The following PCDHGA11 variants were observed in gnomAD, a reference collection of about 807,000 sequenced individuals.
The protein encoded by PCDHGA11 is protocadherin gamma subfamily A, 11.
PCDHGA11 carries 39 observed loss-of-function variants against 60.4 expected under a neutral mutation model. The ratio of observed to expected loss-of-function variants is 0.65; its 90% CI spans 0.50 to 0.84. PCDHGA11 has a LOEUF of 0.84. Ranked by LOEUF, PCDHGA11 falls within the 40% of genes least tolerant of loss-of-function variation. The pLI is 0.00. For missense variants in PCDHGA11, 1,165 were observed against 1,197.7 expected, an observed-to-expected ratio of 0.97 and a Z score of 0.40; for synonymous variants, 533 against 510.3, an observed-to-expected ratio of 1.04 and a Z score of -0.60.
chr5:141,436,337 A>G (rs1450981655), intron 1 of PCDHGA11, among the ~76,000 whole-genome samples: 1 of 152,178 alleles, frequency 6.6e-6, no homozygotes, highest in Non-Finnish European at 1.5e-5. Flanking sequence ...CATATCTCAA[A>G]TATCAGTGAC....
At chr5:141,445,767 T>C (rs2098476828) in intron 1 of PCDHGA11, among the ~76,000 whole-genome samples, 1 of 152,142 alleles carries the variant, frequency 6.6e-6, no homozygotes, top group African/African-American at 2.4e-5. Flanking sequence ...ACTCAAGCAA[T>C]TTAAAAGGGC....
rs2099396190 is a variant in PCDHGA11 at position 141,476,685 on chromosome 5, G to A, written c.2434-18122G>A. On this transcript the variant is annotated intron_variant, in intron 1 of 3. Coordinates refer to ENST00000398587, the MANE Select transcript of PCDHGA11 (RefSeq NM_018914.3). This position sits in a 1 kb window ranked among gnomAD's most constrained non-coding sequence, Gnocchi z 7.6. ...CTTCGCGTGCAGACGCGGGAGGACA[G>A]CACCAAGTACGCGGAGCTGGTGTTG... 3.1e-6 allele frequency: 5 copies of A among 1,614,102 alleles called. No homozygotes were observed.
chr5:141,494,613 G>A (rs2099755672), intron 1 of PCDHGA11, among the ~76,000 whole-genome samples, 194 bp from the exon 2 acceptor site: 1 of 152,136 alleles, frequency 6.6e-6, no homozygotes, highest in Non-Finnish European at 1.5e-5. Context: ...TTATCTCTTG[G>A]TTTCTGGTAC....
At position 141,509,907 on chromosome 5, in the gene PCDHGA11, C is replaced by G. The variant is rs149338646; in HGVS notation, c.2582-1040C>G. Among the ~76,000 whole-genome samples, 567 of 152,300 alleles carry G rather than the reference C, an allele frequency of 3.7e-3. 5 individuals carry two copies. Among genetic ancestry groups the G allele is most frequent in the Admixed American group, 0.011 (163 of 15,296 alleles). ...GTGACTGACTGTCCCTTCCAGCATGCGCTTAGGTACACTTGGGCCTGAATG... is the reference window on the plus strand; with the variant it reads ...GTGACTGACTGTCCCTTCCAGCATGGGCTTAGGTACACTTGGGCCTGAATG... On this transcript the variant is annotated intron_variant, in intron 3 of 3. Coordinates refer to ENST00000398587, the MANE Select transcript of PCDHGA11 (RefSeq NM_018914.3).
intron 1 of PCDHGA11, among the ~76,000 whole-genome samples, chr5:141,460,070 T>C (rs547558436): frequency 2.0e-5 from 3 of 152,202 alleles, no homozygotes; most frequent in South Asian, 2.1e-4. Flanking sequence ...AGAGTGAGAC[T>C]TCATCTAAAA....
At chr5:141,434,392 C>T (rs906051301) in intron 1 of PCDHGA11, among the ~76,000 whole-genome samples, 4 of 152,210 alleles carry the variant, frequency 2.6e-5, no homozygotes, top group African/African-American at 9.6e-5. Context: ...TGGCCATAAA[C>T]AAAATCTCTG....
chr5:141,506,216 T>A (rs2237080), intron 3 of PCDHGA11, among the ~76,000 whole-genome samples: 78,167 of 151,604 alleles, frequency 0.52, 20,820 homozygotes, highest in African/African-American at 0.63. Flanking sequence ...TTTGGGAAGC[T>A]GAGGCAGGAG....
chr5:141,509,595 C>T (rs968797923), intron 3 of PCDHGA11, among the ~76,000 whole-genome samples: 36 of 152,168 alleles, frequency 2.4e-4, no homozygotes, highest in African/African-American at 6.8e-4. Context: ...CTGGCAATTC[C>T]GAGAGGCTGC....
intron 1 of PCDHGA11, among the ~76,000 whole-genome samples, chr5:141,468,857 C>A (rs1386167428): frequency 2.0e-5 from 3 of 151,962 alleles, no homozygotes; most frequent in Non-Finnish European, 4.4e-5. Context: ...CAGAGCGAGA[C>A]TCCATCTCAA....
intron 1 of PCDHGA11, among the ~76,000 whole-genome samples, chr5:141,445,320 A>G (rs1462989860): frequency 1.3e-5 from 2 of 152,188 alleles, no homozygotes; most frequent in Non-Finnish European, 2.9e-5. Flanking sequence ...GGTTGAGAGA[A>G]CCCATCCAGA....
chr5:141,492,458 G>A (rs1333043781), intron 1 of PCDHGA11, among the ~76,000 whole-genome samples: 1 of 152,230 alleles, frequency 6.6e-6, no homozygotes, highest in Non-Finnish European at 1.5e-5. Flanking sequence ...GTGCGCGCCT[G>A]AGGGTCCCAG....
chr5:141,422,197 G>C lies in PCDHGA11; in HGVS notation c.970G>C (p.Asp324His). ...RFYEMEIQGQ[D>H]GGGLFTTTTM... ...CTATGAGATGGAAATTCAAGGCCAAGATGGTGGAGGTCTCTTTACCACCAC... is the reference window on the plus strand; with the variant it reads ...CTATGAGATGGAAATTCAAGGCCAACATGGTGGAGGTCTCTTTACCACCAC... The change falls in exon 1 of 4, where the codon GAT (aspartate) becomes CAT (histidine). Residue 324 changes from aspartate to histidine, a missense_variant. Coordinates refer to ENST00000398587, the MANE Select transcript of PCDHGA11 (RefSeq NM_018914.3). 1 of 1,562,284 alleles carries C rather than the reference G, an allele frequency of 6.4e-7. No homozygotes were observed. The highest frequency in any genetic ancestry group is 8.6e-7 in the Non-Finnish European group (1 of 1,159,160).
At position 141,494,730 on chromosome 5, in the gene PCDHGA11, G is replaced by A. The variant is rs1595262506; in HGVS notation, c.2434-77G>A. 18 of 1,609,816 alleles carry A rather than the reference G, an allele frequency of 1.1e-5. No individual in the cohort carries two copies. In the East Asian group the frequency reaches 4.0e-4, roughly 36 times the overall value. On this transcript the variant is annotated intron_variant, in intron 1 of 3. Coordinates refer to ENST00000398587, the MANE Select transcript of PCDHGA11 (RefSeq NM_018914.3). ...GTGCCCACTCCCCTCCTTCTCTCCC[G>A]GCCCATCCCTAGGGGCTCGGGTGAC...
intron 1 of PCDHGA11, chr5:141,442,419 T>TG (rs1214499832): frequency 1.3e-5 from 2 of 152,192 alleles, no homozygotes; most frequent in African/African-American, 4.8e-5. Context: ...AGTGAACTTC[T>TG]TTTTTGAATC....
chr5:141,423,864 G>T, intron 1 of PCDHGA11: 4 of 1,284,224 alleles, frequency 3.1e-6, no homozygotes, highest in Non-Finnish European at 3.9e-6. Flanking sequence ...TTTTGTGAAA[G>T]TCATTTTTCA....
chr5:141,447,168 T>C (rs1027377060), intron 1 of PCDHGA11, among the ~76,000 whole-genome samples: 2 of 152,174 alleles, frequency 1.3e-5, no homozygotes, highest in Non-Finnish European at 2.9e-5. Context: ...AAGCGGGGTC[T>C]TGCTCTTGTC....
chr5:141,494,675 C>A, intron 1 of PCDHGA11, 132 bp from the exon 2 acceptor site: 2 of 1,548,574 alleles, frequency 1.3e-6, no homozygotes, highest in South Asian at 1.2e-5. Flanking sequence ...TGAGTCCACC[C>A]CTGCCCCCTC....
intron 2 of PCDHGA11, among the ~76,000 whole-genome samples, chr5:141,500,027 G>C (rs1458308566): frequency 6.6e-6 from 1 of 151,808 alleles, no homozygotes; most frequent in Non-Finnish European, 1.5e-5. Flanking sequence ...ATATTTGAGT[G>C]AGTGTCTCTT....
In PCDHGA11 at chr5:141,431,465, AACG is replaced by A; in HGVS notation, c.2433+7808_2433+7810del. 1.9e-6 allele frequency: 3 copies of A among 1,613,790 alleles called. No homozygotes were observed. The highest frequency in any genetic ancestry group is 2.5e-6 in the Non-Finnish European group (3 of 1,179,970). ...CATCCGCGTGATGGTTCTGGATGCGAACGACAACGCACCAGCGTTTGCTCAGCC... is the reference window on the plus strand; with the variant it reads ...CATCCGCGTGATGGTTCTGGATGCGAACAACGCACCAGCGTTTGCTCAGCC... On this transcript the variant is annotated intron_variant, in intron 1 of 3. Transcript: ENST00000398587. The surrounding 1 kb of genome is among the most constrained non-coding windows in gnomAD (Gnocchi z 4.8).
Sources: gnomAD v4.1 joint callset for allele counts (sites outside exome capture counted in the v4.1 genomes callset) on GRCh38, gnomAD v4.1.1 for gene constraint, Gnocchi (gnomAD v3.1) non-coding constraint, MANE v1.5 for transcripts, NCBI Gene and HGNC (gene_info 2026-07-23, HGNC 2026-07-21) for gene names.